The following KIF26B variants were observed in gnomAD, a reference collection of about 807,000 sequenced individuals.
KIF26B encodes the protein kinesin-like protein KIF26B.
A neutral mutation model predicts 151.2 loss-of-function variants in KIF26B; 63 were observed. That is an observed-to-expected ratio of 0.42 (90% CI 0.34 to 0.51). The LOEUF is 0.51. Among genes scored for constraint, KIF26B ranks in the 20% least tolerant of loss-of-function variants. The pLI is 0.07. For missense variants in KIF26B, 2,813 were observed against 2,913.6 expected, an observed-to-expected ratio of 0.97 and a Z score of 0.79; for synonymous variants, 1,357 against 1,262.1, an observed-to-expected ratio of 1.08 and a Z score of -1.59.
At position 245,376,352 on chromosome 1, in the gene KIF26B, A is replaced by T. The variant is rs1191688666; in HGVS notation, c.999+8985A>T. 5.3e-5 allele frequency among the ~76,000 whole-genome samples: 8 copies of T among 152,136 alleles called. No individual in the cohort carries two copies. The East Asian group carries it at 1.5e-3, about 29-fold the overall frequency. On this transcript the variant is annotated intron_variant, in intron 3 of 14. Transcript: ENST00000407071. ...TCAATGGGGATTCCGGAGCAGGGGA[A>T]TGGGAAGATTTCTTTGCCTGAAAGC...
intron 4 of KIF26B, among the ~76,000 whole-genome samples, chr1:245,464,340 CGT>C (rs780207035): frequency 4.6e-5 from 7 of 151,974 alleles, no homozygotes; most frequent in Admixed American, 1.3e-4. Flanking sequence ...CCAGTGAGCA[CGT>C]GTGTGCATCT....
At chr1:245,299,892 C>T (rs1671399882) in intron 2 of KIF26B, among the ~76,000 whole-genome samples, 1 of 152,202 alleles carries the variant, frequency 6.6e-6, no homozygotes, top group Non-Finnish European at 1.5e-5. Context: ...TGCAGACGAC[C>T]CATTTAATAG....
At chr1:245,443,549 AGTGGTCATCTCCCTCACTGTTCACCCT>A (rs1659170687) in intron 4 of KIF26B, among the ~76,000 whole-genome samples, 1 of 106,296 alleles carries the variant, frequency 9.4e-6, no homozygotes, top group Non-Finnish European at 2.0e-5. Flanking sequence ...GTTCACCTAG[AGTGGTCATCTCCCTCACTGTTCACCCT>A]GCGGTCATCT....
At chr1:245,392,079 A>T (rs1208687034) in intron 3 of KIF26B, among the ~76,000 whole-genome samples, 1 of 151,972 alleles carries the variant, frequency 6.6e-6, no homozygotes, top group African/African-American at 2.4e-5. Flanking sequence ...AAAAAAAGAT[A>T]AAAAAATTGA....
At chr1:245,330,732 G>A (rs1208980142) in intron 2 of KIF26B, among the ~76,000 whole-genome samples, 6 of 72,928 alleles carry the variant, frequency 8.2e-5, no homozygotes, top group South Asian at 7.6e-4. Flanking sequence ...GGGAAGAGCC[G>A]GGGGAGAGTC....
chr1:245,658,656 TG>T (rs2044100773), intron 10 of KIF26B, among the ~76,000 whole-genome samples: 1 of 152,160 alleles, frequency 6.6e-6, no homozygotes, highest in African/African-American at 2.4e-5. Context: ...CCTCCCAAAG[TG>T]CTGGGATTAC....
intron 5 of KIF26B, among the ~76,000 whole-genome samples, chr1:245,577,818 G>C (rs973028447): frequency 6.8e-6 from 1 of 147,484 alleles, no homozygotes; most frequent in African/African-American, 2.5e-5. Flanking sequence ...GGAACTCCGG[G>C]CGATGCATCT....
At chr1:245,413,489 T>C (rs1674336451) in intron 3 of KIF26B, among the ~76,000 whole-genome samples, 1 of 152,034 alleles carries the variant, frequency 6.6e-6, no homozygotes, top group Non-Finnish European at 1.5e-5. Flanking sequence ...GGTGAAACCC[T>C]GTCTCTACTA....
chr1:245,663,667 A>C (rs1176686026), intron 10 of KIF26B, among the ~76,000 whole-genome samples: 1 of 152,218 alleles, frequency 6.6e-6, no homozygotes, highest in Non-Finnish European at 1.5e-5. Flanking sequence ...AGTTGAGGAT[A>C]GTCTAAACTA....
intron 2 of KIF26B, among the ~76,000 whole-genome samples, chr1:245,202,586 G>A (rs1245256106): frequency 2.0e-5 from 3 of 151,858 alleles, no homozygotes; most frequent in East Asian, 1.9e-4. Flanking sequence ...TGGTGAAACC[G>A]CGTCTTTACT....
chr1:245,592,319 G>A (rs939143641), intron 5 of KIF26B, among the ~76,000 whole-genome samples: 3 of 152,192 alleles, frequency 2.0e-5, no homozygotes, highest in African/African-American at 4.8e-5. Flanking sequence ...AGATGGCTCC[G>A]CTCTGGCTAT....
chr1:245,288,872 A>G (rs10924158), intron 2 of KIF26B, among the ~76,000 whole-genome samples: 99,776 of 151,918 alleles, frequency 0.66, 33,652 homozygotes, highest in African/African-American at 0.81. Flanking sequence ...TACTATTGCT[A>G]GTTCAAGGAA....
chr1:245,527,403 G>A (rs1038535005), intron 4 of KIF26B, among the ~76,000 whole-genome samples: 1 of 151,704 alleles, frequency 6.6e-6, no homozygotes, highest in Admixed American at 6.6e-5. Flanking sequence ...TAGCTGGGTT[G>A]TAGGTACATG....
chr1:245,459,623 T>C (rs1659606326), intron 4 of KIF26B, among the ~76,000 whole-genome samples: 1 of 152,142 alleles, frequency 6.6e-6, no homozygotes, highest in Non-Finnish European at 1.5e-5. Flanking sequence ...GATGTGCGGG[T>C]GGTATGACCG....
At chr1:245,447,206 T>C (rs1303633442) in intron 4 of KIF26B, among the ~76,000 whole-genome samples, 1 of 152,210 alleles carries the variant, frequency 6.6e-6, no homozygotes, top group African/African-American at 2.4e-5. Context: ...ATTAACATCT[T>C]CTGCGGTGCT....
chr1:245,295,911 T>C (rs1480894626), intron 2 of KIF26B, among the ~76,000 whole-genome samples: 1 of 152,184 alleles, frequency 6.6e-6, no homozygotes, highest in Non-Finnish European at 1.5e-5. Context: ...CGTGAAACTG[T>C]GTTTAGAACT....
intron 5 of KIF26B, among the ~76,000 whole-genome samples, chr1:245,591,320 AAAGT>A (rs1171683406): frequency 6.6e-6 from 1 of 152,202 alleles, no homozygotes; most frequent in Non-Finnish European, 1.5e-5. Flanking sequence ...GCCTCAGTAA[AAAGT>A]AATAATAGCT....
At position 245,416,536 on chromosome 1, in the gene KIF26B, A is replaced by G. The variant is rs187663597; in HGVS notation, c.1000-3043A>G. Among the ~76,000 whole-genome samples the G allele has an allele frequency of 1.2e-4, 19 of 152,222 alleles. No individual in the cohort carries two copies. In the East Asian group the frequency reaches 3.3e-3, roughly 26 times the overall value. On this transcript the variant is annotated intron_variant, in intron 3 of 14. Transcript: ENST00000407071. ...CTGGGGCTTTTGTGTAGTGGGGGAA[A>G]ATGACTTACTATTAAATGCATGATA...
At chr1:245,199,005 C>CGGGGGTGGGGG (rs1553333844) in intron 2 of KIF26B, among the ~76,000 whole-genome samples, 364 of 149,228 alleles carry the variant, frequency 2.4e-3, no homozygotes, top group South Asian at 3.2e-3. Flanking sequence ...GAGTCCCAAG[C>CGGGGGTGGGGG]AGGGGACAGA....
Sources: gnomAD v4.1 joint callset for allele counts (sites outside exome capture counted in the v4.1 genomes callset) on GRCh38, gnomAD v4.1.1 for gene constraint, MANE v1.5 for transcripts, NCBI Gene and HGNC (gene_info 2026-07-23, HGNC 2026-07-21) for gene names.